Variants in ALK observed in about 807,000 individuals in gnomAD.
ALK encodes ALK tyrosine kinase receptor.
In ALK, 74 loss-of-function variants were observed where a neutral mutation model predicts 163.1. The ratio of observed to expected loss-of-function variants is 0.45; its 90% CI spans 0.38 to 0.55. The LOEUF is 0.55. ALK is among the 20% of genes least tolerant of loss of function. The probability of loss-of-function intolerance (pLI) is 0.00; values close to 1 mark genes in which losing one functional copy is unlikely to be tolerated. For synonymous variants in ALK, 960 were observed against 843.2 expected (o/e 1.14, Z -2.40); for missense variants, 2,063 against 2,105.3 (o/e 0.98, Z 0.39).
intron 4 of ALK, among the ~76,000 whole-genome samples, chr2:29,492,574 T>C (rs527551889): frequency 6.6e-6 from 1 of 152,302 alleles, no homozygotes; most frequent in East Asian, 1.9e-4. Flanking sequence ...ACACGGTCAG[T>C]AGGTGTTTAG....
At chr2:29,644,359 T>C (rs1439700828) in intron 3 of ALK, among the ~76,000 whole-genome samples, 1 of 151,702 alleles carries the variant, frequency 6.6e-6, no homozygotes, top group African/African-American at 2.4e-5. Context: ...GTAACAAACC[T>C]GCACGTTGTG....
chr2:29,287,341 A>G lies in ALK; in HGVS notation c.1817+9547T>C, dbSNP rs1665885770. On this transcript the variant is annotated intron_variant, in intron 9 of 28. Transcript: ENST00000389048. ...GTTTCAAAGAATACTTAACAGGTCA[A>G]CATCATTCTGCGTTACTGTTGGCCT... 2.6e-5 allele frequency among the ~76,000 whole-genome samples: 4 copies of G among 152,256 alleles called. No individual in the cohort carries two copies. In the South Asian group the frequency reaches 8.3e-4, roughly 32 times the overall value.
rs1679423046 is a variant in ALK at position 29,721,546 on chromosome 2, CA to C, written c.668-3850del. The stretch of plus-strand genomic sequence containing the variant: ...AAAACTCCAATTCCCCATATGCTTC[CA>C]CATTCTCAGTGAATGAATTTGTTTC... On this transcript the variant is annotated intron_variant, in intron 1 of 28. Transcript: ENST00000389048. Among the ~76,000 whole-genome samples, 3 of 152,328 alleles carry C rather than the reference CA, an allele frequency of 2.0e-5. No homozygotes were observed. In the South Asian group the frequency reaches 6.2e-4, roughly 32 times the overall value.
At chr2:29,220,862 A>G (rs765408534) in intron 22 of ALK, 27 bp from the exon 23 acceptor site, 1 of 1,613,550 alleles carries the variant, frequency 6.2e-7, no homozygotes, top group Non-Finnish European at 8.5e-7. Flanking sequence ...GATGTAACCA[A>G]AATTAACTGA....
chr2:29,888,252 T>TGTG (rs201215086), intron 1 of ALK, among the ~76,000 whole-genome samples: 3 of 145,404 alleles, frequency 2.1e-5, no homozygotes, highest in African/African-American at 7.7e-5. Flanking sequence ...AATTGTTTTT[T>TGTG]TTTTTTTTTA....
Position 29,696,578 on chromosome 2 carries a change from CAGCA to C in ALK, c.788-1568_788-1565del, listed in dbSNP as rs1678570884. Among the ~76,000 whole-genome samples the C allele has an allele frequency of 2.0e-5, 3 of 148,506 alleles. No homozygotes were observed. In the South Asian group the frequency reaches 6.5e-4, roughly 32 times the overall value. On this transcript the variant is annotated intron_variant, in intron 2 of 28. Coordinates refer to ENST00000389048, the MANE Select transcript of ALK (RefSeq NM_004304.5). ...AGAATTCCAGATGGCCTAGGAACTT[CAGCA>C]TGCTTTGCAGAGGAGGATAAGGCCT...
chr2:29,889,210 C>G (rs1030086271), intron 1 of ALK, among the ~76,000 whole-genome samples: 63 of 151,784 alleles, frequency 4.2e-4, no homozygotes, highest in African/African-American at 1.5e-3. Context: ...CAGGGATATA[C>G]AATGGTTTCT....
At chr2:29,720,423 T>C (rs1679387722) in intron 1 of ALK, among the ~76,000 whole-genome samples, 1 of 152,112 alleles carries the variant, frequency 6.6e-6, no homozygotes. Context: ...TTACAGGAAC[T>C]CCTAGAATTT....
At chr2:29,868,469 G>T (rs141250042) in intron 1 of ALK, among the ~76,000 whole-genome samples, 518 of 152,160 alleles carry the variant, frequency 3.4e-3, no homozygotes, top group African/African-American at 0.012. Context: ...TGTAATTGAA[G>T]AAAAAAACAA....
chr2:29,809,110 A>G (rs1312350103), intron 1 of ALK, among the ~76,000 whole-genome samples: 1 of 152,246 alleles, frequency 6.6e-6, no homozygotes, highest in Non-Finnish European at 1.5e-5. Flanking sequence ...AAGCTAAACT[A>G]CATCGGAGAG....
At chr2:29,841,708 C>T (rs1233556478) in intron 1 of ALK, among the ~76,000 whole-genome samples, 2 of 152,128 alleles carry the variant, frequency 1.3e-5, no homozygotes, top group Non-Finnish European at 2.9e-5. Flanking sequence ...AATCTGTTTG[C>T]CAAATTGAAA....
intron 26 of ALK, among the ~76,000 whole-genome samples, chr2:29,205,000 T>C (rs1476595701): frequency 3.3e-5 from 5 of 152,158 alleles, no homozygotes; most frequent in Admixed American, 1.3e-4. Flanking sequence ...CCCTGTACTC[T>C]TTGGAAGAAA....
At chr2:29,724,167 A>G (rs1679500238) in intron 1 of ALK, among the ~76,000 whole-genome samples, 1 of 152,228 alleles carries the variant, frequency 6.6e-6, no homozygotes, top group African/African-American at 2.4e-5. Flanking sequence ...ACAAACCTAC[A>G]TCAATAAAAT....
rs1170497634 is a variant in ALK at position 29,396,848 on chromosome 2, T to TG, written c.1155-12990_1155-12989insC. Among the ~76,000 whole-genome samples the TG allele has an allele frequency of 3.0e-4, 41 of 136,476 alleles. 1 individual carries two copies. The East Asian group carries it at 8.4e-3, about 28-fold the overall frequency. The allele number at this position is 136,476 out of a possible 152,430, so 89.5% of individuals were successfully genotyped here. The stretch of plus-strand genomic sequence containing the variant: ...CTTTGTTACTATGGTTTTTTTTTTT[T>TG]TTTTTTTTTTTTGCTACTTGGCTAC... On this transcript the variant is annotated intron_variant, in intron 4 of 28. Coordinates refer to ENST00000389048, the MANE Select transcript of ALK (RefSeq NM_004304.5).
intron 7 of ALK, 45 bp from the exon 8 acceptor site, chr2:29,318,449 TG>T: frequency 1.4e-6 from 2 of 1,399,670 alleles, no homozygotes; most frequent in African/African-American, 1.4e-5. Context: ...TATCAGGAAC[TG>T]GGGGACCAGG....
intron 1 of ALK, among the ~76,000 whole-genome samples, chr2:29,889,754 AGAG>A: frequency 8.9e-6 from 1 of 112,640 alleles, no homozygotes; most frequent in East Asian, 2.4e-4. Context: ...AGAGAGAGAG[AGAG>A]AGAAACCAGG....
intron 4 of ALK, among the ~76,000 whole-genome samples, chr2:29,478,593 C>T (rs1473190382): frequency 3.3e-5 from 5 of 152,226 alleles, no homozygotes; most frequent in African/African-American, 1.2e-4. Context: ...TCTCAAGGCT[C>T]CTACAGACTG....
intron 1 of ALK, among the ~76,000 whole-genome samples, chr2:29,874,477 G>A (rs1471754234): frequency 1.3e-5 from 2 of 152,188 alleles, no homozygotes; most frequent in Non-Finnish European, 2.9e-5. Context: ...CAGGGCTAGT[G>A]CTGGAACCCT....
chr2:29,634,543 T>C (rs1406050155), intron 3 of ALK, among the ~76,000 whole-genome samples: 1 of 152,164 alleles, frequency 6.6e-6, no homozygotes, highest in African/African-American at 2.4e-5. Context: ...TAATATCAAT[T>C]CATGAAGAAA....
Sources: gnomAD v4.1 joint callset for allele counts (sites outside exome capture counted in the v4.1 genomes callset) on GRCh38, gnomAD v4.1.1 for gene constraint, MANE v1.5 for transcripts, NCBI Gene and HGNC (gene_info 2026-07-23, HGNC 2026-07-21) for gene names.